CNTNAP2: variants seen among roughly 807,000 people sequenced by gnomAD.
CNTNAP2 encodes the protein contactin-associated protein-like 2.
In CNTNAP2, 98 loss-of-function variants were observed where a neutral mutation model predicts 155.2. The observed-to-expected ratio is 0.63, with a 90% CI of 0.54 to 0.75. The LOEUF is 0.75. Among genes scored for constraint, CNTNAP2 ranks in the 30% least tolerant of loss-of-function variants. The pLI, the probability that CNTNAP2 is intolerant of heterozygous loss-of-function variation, is 0.00. For missense variants in CNTNAP2, 1,727 were observed against 1,688.1 expected (o/e 1.02, Z -0.40); for synonymous variants, 651 against 631.2 (o/e 1.03, Z -0.47).
At chr7:147,620,031 T>C (rs541531808) in intron 12 of CNTNAP2, among the ~76,000 whole-genome samples, 1 of 152,312 alleles carries the variant, frequency 6.6e-6, no homozygotes, top group East Asian at 1.9e-4. Flanking sequence ...AACAAGAGTT[T>C]TCGTCCAGTA....
At chr7:146,776,851 A>G (rs1297055009) in intron 2 of CNTNAP2, among the ~76,000 whole-genome samples, 3 of 152,170 alleles carry the variant, frequency 2.0e-5, no homozygotes, top group Non-Finnish European at 2.9e-5. Flanking sequence ...AGAGAGAGTC[A>G]GGTATCTGAT....
chr7:147,615,263 G>T (rs1410140668), intron 12 of CNTNAP2, among the ~76,000 whole-genome samples: 1 of 114,198 alleles, frequency 8.8e-6, no homozygotes, highest in Non-Finnish European at 1.7e-5. Flanking sequence ...ACGGAGAGGA[G>T]CGAGACCCTG....
chr7:147,082,310 G>T (rs535944908), intron 4 of CNTNAP2, among the ~76,000 whole-genome samples: 1 of 152,178 alleles, frequency 6.6e-6, no homozygotes, highest in Admixed American at 6.5e-5. Context: ...GCCTTTTATC[G>T]CTGCCTCTTT....
chr7:146,472,888 A>G (rs1295730197), intron 1 of CNTNAP2, among the ~76,000 whole-genome samples: 5 of 150,840 alleles, frequency 3.3e-5, no homozygotes, highest in African/African-American at 1.2e-4. Context: ...TTTATATATT[A>G]TAATTGTACA....
At chr7:146,521,198 G>A (rs1231586391) in intron 1 of CNTNAP2, among the ~76,000 whole-genome samples, 1 of 151,940 alleles carries the variant, frequency 6.6e-6, no homozygotes, top group African/African-American at 2.4e-5. Flanking sequence ...AAGCTCTTTA[G>A]GATATAAAGT....
intron 3 of CNTNAP2, among the ~76,000 whole-genome samples, chr7:146,897,855 T>C (rs1205968529): frequency 2.0e-5 from 3 of 152,096 alleles, no homozygotes; most frequent in Non-Finnish European, 2.9e-5. Flanking sequence ...AATAATTTTG[T>C]GTTTCCTTAG....
intron 10 of CNTNAP2, among the ~76,000 whole-genome samples, chr7:147,473,556 C>T (rs568448028): frequency 3.3e-5 from 5 of 151,760 alleles, no homozygotes; most frequent in Non-Finnish European, 7.4e-5. Flanking sequence ...ATAATGAATA[C>T]CTTTGGTTTA....
At chr7:148,390,343 C>T (rs1187589805) in intron 22 of CNTNAP2, among the ~76,000 whole-genome samples, 3 of 152,044 alleles carry the variant, frequency 2.0e-5, no homozygotes, top group African/African-American at 7.2e-5. Context: ...TCGGTGGCTC[C>T]AGTGAAAGCA....
chr7:147,363,843 A>T (rs1796183584), intron 9 of CNTNAP2, among the ~76,000 whole-genome samples: 2 of 152,230 alleles, frequency 1.3e-5, no homozygotes, highest in South Asian at 4.1e-4. Context: ...TAGCACATGC[A>T]GTTTTAGAGT....
intron 1 of CNTNAP2, among the ~76,000 whole-genome samples, chr7:146,511,649 T>C (rs1219461427): frequency 6.6e-6 from 1 of 152,224 alleles, no homozygotes; most frequent in Non-Finnish European, 1.5e-5. Context: ...TGATGAATGA[T>C]CTTTTTAATA....
At chr7:147,237,836 T>C (rs973501965) in intron 8 of CNTNAP2, among the ~76,000 whole-genome samples, 1 of 152,226 alleles carries the variant, frequency 6.6e-6, no homozygotes, top group Non-Finnish European at 1.5e-5. Flanking sequence ...GTTATGATTA[T>C]CCCTGTTCAT....
At chr7:147,952,124 T>G (rs1245308874) in intron 14 of CNTNAP2, among the ~76,000 whole-genome samples, 15 of 151,780 alleles carry the variant, frequency 9.9e-5, no homozygotes, top group Non-Finnish European at 2.2e-4. Context: ...TGTTTATATC[T>G]TAATTAAAAG....
chr7:146,914,460 AT>A (rs745753191), intron 3 of CNTNAP2, among the ~76,000 whole-genome samples: 6 of 150,288 alleles, frequency 4.0e-5, no homozygotes, highest in Admixed American at 2.0e-4. Context: ...AACATCTATT[AT>A]TTTTTTTTAA....
chr7:147,772,446 C>CTGTATATA (rs1797486515), intron 13 of CNTNAP2, among the ~76,000 whole-genome samples: 1 of 63,744 alleles, frequency 1.6e-5, no homozygotes, highest in Admixed American at 2.0e-4. Context: ...CTCTCTCTCG[C>CTGTATATA]TATATATATA....
chr7:147,130,905 A>G (rs1217672972), intron 7 of CNTNAP2, among the ~76,000 whole-genome samples: 1 of 152,070 alleles, frequency 6.6e-6, no homozygotes, highest in Non-Finnish European at 1.5e-5. Flanking sequence ...AGTAAAAGCG[A>G]GCATTTAAAA....
intron 3 of CNTNAP2, among the ~76,000 whole-genome samples, chr7:146,958,497 T>C (rs867993836): frequency 1.4e-5 from 2 of 139,366 alleles, no homozygotes; most frequent in African/African-American, 5.3e-5. Context: ...CACTGCAAGC[T>C]CTGCCTCCAG....
rs932722453 is a variant in CNTNAP2, at chr7:147,345,595, C to T, written c.1498+45305C>T. On this transcript the variant is annotated intron_variant, in intron 9 of 23. Coordinates refer to ENST00000361727, the MANE Select transcript of CNTNAP2 (RefSeq NM_014141.6). The stretch of plus-strand genomic sequence containing the variant: ...CTCCCAACTGCAAGACTTTATTTTG[C>T]TGGGTTAAAACACTTGGCTAACATA... Among the ~76,000 whole-genome samples the T allele has an allele frequency of 3.9e-5, 6 of 152,092 alleles. No homozygotes were observed. The South Asian group carries it at 1.2e-3, about 31-fold the overall frequency.
chr7:148,105,585 AT>A (rs1362608028), intron 15 of CNTNAP2, among the ~76,000 whole-genome samples: 250 of 133,982 alleles, frequency 1.9e-3, no homozygotes, highest in South Asian at 7.7e-3. Context: ...TTTATTTTTT[AT>A]TTTTTTTTTT....
chr7:148,169,133 C>G (rs975954382), intron 17 of CNTNAP2, among the ~76,000 whole-genome samples: 1 of 152,134 alleles, frequency 6.6e-6, no homozygotes, highest in African/African-American at 2.4e-5. Context: ...GAAATATATT[C>G]TCTTGTATTC....
Sources: allele counts gnomAD v4.1 joint callset (sites outside exome capture counted in the v4.1 genomes callset), GRCh38; gene constraint gnomAD v4.1.1; transcripts MANE v1.5; gene names NCBI Gene and HGNC (gene_info 2026-07-23, HGNC 2026-07-21).